The following ZNF385B variants were observed in gnomAD, a reference collection of about 807,000 sequenced individuals.
The protein encoded by ZNF385B is zinc finger protein 385B, also known as zinc finger protein 533.
ZNF385B carries 23 observed loss-of-function variants against 39.2 expected under a neutral mutation model. The observed-to-expected ratio is 0.59, with a 90% CI of 0.42 to 0.83. ZNF385B has a LOEUF of 0.83. Ranked by LOEUF, ZNF385B falls within the 40% of genes least tolerant of loss-of-function variation. The pLI, the probability that ZNF385B is intolerant of heterozygous loss-of-function variation, is 0.00. For synonymous variants in ZNF385B, 205 were observed against 222.6 expected (o/e 0.92, Z 0.70); for missense variants, 552 against 598.9 (o/e 0.92, Z 0.82).
chr2:179,504,672 G>A (rs200346864), intron 5 of ZNF385B, among the ~76,000 whole-genome samples: 2 of 152,070 alleles, frequency 1.3e-5, no homozygotes, highest in South Asian at 2.1e-4. Context: ...GTGGGGAGAG[G>A]GGGGAGGGAT....
chr2:179,841,114 C>T (rs1708513287), intron 1 of ZNF385B, among the ~76,000 whole-genome samples: 1 of 152,212 alleles, frequency 6.6e-6, no homozygotes. Context: ...GCATGTATTG[C>T]CCCCAGGAAA....
At chr2:179,557,521 ATG>A (rs1418880623) in intron 3 of ZNF385B, among the ~76,000 whole-genome samples, 3 of 146,906 alleles carry the variant, frequency 2.0e-5, no homozygotes, top group Non-Finnish European at 4.5e-5. Context: ...TACATGTTAT[ATG>A]TGTATGTTAT....
chr2:179,633,550 C>T (rs535397231), intron 3 of ZNF385B, among the ~76,000 whole-genome samples: 2 of 151,974 alleles, frequency 1.3e-5, no homozygotes, highest in Admixed American at 1.3e-4. Context: ...ATGGAATGTA[C>T]GTCAAAATAA....
At chr2:179,663,010 C>G (rs1694679720) in intron 3 of ZNF385B, among the ~76,000 whole-genome samples, 1 of 152,080 alleles carries the variant, frequency 6.6e-6, no homozygotes, top group Admixed American at 6.5e-5. Flanking sequence ...AAAGACTTAA[C>G]TGAGAGAGAA....
At chr2:179,799,215 A>G (rs1485035782) in intron 1 of ZNF385B, among the ~76,000 whole-genome samples, 1 of 152,072 alleles carries the variant, frequency 6.6e-6, no homozygotes, top group Non-Finnish European at 1.5e-5. Context: ...TCAGCAACAT[A>G]GTCGAACGAA....
At chr2:179,829,059 A>T (rs189514265) in intron 1 of ZNF385B, among the ~76,000 whole-genome samples, 44 of 152,280 alleles carry the variant, frequency 2.9e-4, no homozygotes, top group Admixed American at 2.5e-3. Flanking sequence ...GAGCACAACT[A>T]TTTAAACAAG....
At chr2:179,665,750 T>C (rs930920698) in intron 3 of ZNF385B, among the ~76,000 whole-genome samples, 1 of 152,188 alleles carries the variant, frequency 6.6e-6, no homozygotes, top group African/African-American at 2.4e-5. Context: ...AATGTAGGTT[T>C]TCCTAAAATA....
chr2:179,562,866 G>GATT (rs1404984545), intron 3 of ZNF385B, among the ~76,000 whole-genome samples: 7 of 152,106 alleles, frequency 4.6e-5, no homozygotes, highest in Admixed American at 4.6e-4. Flanking sequence ...TATGTCAAGG[G>GATT]ATTATTCCCC....
chr2:179,757,898 C>G (rs554995580), intron 3 of ZNF385B, among the ~76,000 whole-genome samples: 1 of 152,072 alleles, frequency 6.6e-6, no homozygotes, highest in East Asian at 1.9e-4. Flanking sequence ...TTCCCTGACC[C>G]CTTGTGCTTC....
chr2:179,547,944 T>C (rs1352518911), intron 3 of ZNF385B, among the ~76,000 whole-genome samples: 2 of 149,774 alleles, frequency 1.3e-5, no homozygotes, highest in Non-Finnish European at 3.0e-5. Context: ...TTTACTTCTT[T>C]GGTTAAATTA....
At chr2:179,591,869 C>A (rs1415316273) in intron 3 of ZNF385B, among the ~76,000 whole-genome samples, 2 of 152,120 alleles carry the variant, frequency 1.3e-5, no homozygotes, top group African/African-American at 4.8e-5. Flanking sequence ...TCTGTAAGAT[C>A]ACTTGGACCC....
chr2:179,819,034 T>TAC (rs10556902), intron 1 of ZNF385B, among the ~76,000 whole-genome samples: 1,670 of 148,176 alleles, frequency 0.011, 24 homozygotes, highest in East Asian at 0.035. Flanking sequence ...TGTTTATAAA[T>TAC]ACACACACAC....
chr2:179,784,231 G>C (rs1351121980), intron 1 of ZNF385B, among the ~76,000 whole-genome samples: 2 of 151,912 alleles, frequency 1.3e-5, no homozygotes, highest in Admixed American at 6.6e-5. Flanking sequence ...AACAGAAAAC[G>C]GAATACTGCA....
chr2:179,569,425 T>C (rs1240881922), intron 3 of ZNF385B, among the ~76,000 whole-genome samples: 4 of 152,230 alleles, frequency 2.6e-5, no homozygotes, highest in Admixed American at 1.3e-4. Context: ...AGTAACTTTA[T>C]GAAGCAGTTC....
chr2:179,815,900 C>G (rs563143425), intron 1 of ZNF385B, among the ~76,000 whole-genome samples: 1 of 152,112 alleles, frequency 6.6e-6, no homozygotes, highest in Non-Finnish European at 1.5e-5. Context: ...TGTTAAAATG[C>G]TCCAAGGGTC....
At chr2:179,796,823 G>GA (rs1677832095) in intron 1 of ZNF385B, among the ~76,000 whole-genome samples, 1 of 152,114 alleles carries the variant, frequency 6.6e-6, no homozygotes, top group African/African-American at 2.4e-5. Context: ...CCCCAGCACC[G>GA]AAAGCCAAAG....
chr2:179,522,463 A>T (rs2058571053), intron 4 of ZNF385B, among the ~76,000 whole-genome samples: 1 of 152,160 alleles, frequency 6.6e-6, no homozygotes, highest in African/African-American at 2.4e-5. Flanking sequence ...AGGATTAATA[A>T]AAACATTATC....
At chr2:179,620,488 T>A (rs1515268) in intron 3 of ZNF385B, among the ~76,000 whole-genome samples, 7 of 151,926 alleles carry the variant, frequency 4.6e-5, no homozygotes, top group Non-Finnish European at 7.4e-5. Context: ...TAAACAGTGC[T>A]CTGAGAATAA....
At chr2:179,851,140 C>T (rs1031455252) in intron 1 of ZNF385B, among the ~76,000 whole-genome samples, 1 of 152,196 alleles carries the variant, frequency 6.6e-6, no homozygotes, top group South Asian at 2.1e-4. Context: ...ACCATTGAGC[C>T]CTTCCCTACA....
Sources: allele counts gnomAD v4.1 joint callset (sites outside exome capture counted in the v4.1 genomes callset), GRCh38; gene constraint gnomAD v4.1.1; transcripts MANE v1.5; gene names NCBI Gene and HGNC (gene_info 2026-07-23, HGNC 2026-07-21).